Variants in PPP1R1C observed in about 807,000 individuals in gnomAD.
The protein encoded by PPP1R1C is protein phosphatase 1 regulatory subunit 1C.
PPP1R1C carries 15 observed loss-of-function variants against 17.4 expected under a neutral mutation model. The ratio of observed to expected loss-of-function variants is 0.86; its 90% CI spans 0.58 to 1.33. PPP1R1C has a LOEUF of 1.33. PPP1R1C is among the 40% of genes most tolerant of loss of function. PPP1R1C has a pLI of 0.00. For missense variants in PPP1R1C, 143 were observed against 130.0 expected (o/e 1.10, Z -0.48); for synonymous variants, 35 against 43.1 (o/e 0.81, Z 0.73).
At chr2:182,036,870 A>G (rs992617012) in intron 2 of PPP1R1C, among the ~76,000 whole-genome samples, 1 of 152,198 alleles carries the variant, frequency 6.6e-6, no homozygotes, top group African/African-American at 2.4e-5. Context: ...AGAAGCCTGG[A>G]TTTTTATCCT....
At chr2:181,956,226 A>T (rs994002365) in intron 1 of PPP1R1C, among the ~76,000 whole-genome samples, 3 of 152,094 alleles carry the variant, frequency 2.0e-5, no homozygotes, top group Non-Finnish European at 4.4e-5. Context: ...AAGGACATGA[A>T]CTCATTCTTT....
chr2:182,112,544 C>T (rs985705410), intron 4 of PPP1R1C, among the ~76,000 whole-genome samples: 1 of 152,196 alleles, frequency 6.6e-6, no homozygotes, highest in Admixed American at 6.5e-5. Context: ...ATTAGGTCCT[C>T]GGAACCCAGG....
chr2:181,972,490 T>C (rs1188339264), intron 1 of PPP1R1C, among the ~76,000 whole-genome samples: 1 of 150,382 alleles, frequency 6.6e-6, no homozygotes, highest in African/African-American at 2.5e-5. Context: ...TACTTTTTAA[T>C]AGGACAAAAA....
At chr2:182,026,352 T>A (rs1000392778) in intron 2 of PPP1R1C, among the ~76,000 whole-genome samples, 1 of 142,622 alleles carries the variant, frequency 7.0e-6, no homozygotes, top group African/African-American at 2.6e-5. Flanking sequence ...GGTCTAACGT[T>A]TAAGTCTTTA....
At chr2:182,119,044 T>C (rs530644342), downstream of PPP1R1C, among the ~76,000 whole-genome samples, 136 of 152,184 alleles carry the variant, frequency 8.9e-4, 1 homozygote, top group African/African-American at 3.1e-3. Flanking sequence ...CCTAATGCTA[T>C]CCCTCCCCCC....
At chr2:182,042,082 T>C (rs1018110698) in intron 2 of PPP1R1C, among the ~76,000 whole-genome samples, 1 of 152,220 alleles carries the variant, frequency 6.6e-6, no homozygotes, top group Non-Finnish European at 1.5e-5. Flanking sequence ...ATTTAACACA[T>C]CTTACTCACG....
At chr2:182,017,134 A>C (rs1372945026) in intron 2 of PPP1R1C, among the ~76,000 whole-genome samples, 1 of 152,156 alleles carries the variant, frequency 6.6e-6, no homozygotes, top group East Asian at 1.9e-4. Flanking sequence ...TTCTAAGTGA[A>C]TCAACTATAT....
intron 4 of PPP1R1C, among the ~76,000 whole-genome samples, chr2:182,090,214 A>G (rs1574443431): frequency 6.6e-6 from 1 of 151,938 alleles, no homozygotes; most frequent in East Asian, 1.9e-4. Flanking sequence ...GCCGTTTGGA[A>G]CTAAAGCCAA....
intron 4 of PPP1R1C, among the ~76,000 whole-genome samples, chr2:182,093,501 C>G (rs1406126148): frequency 6.6e-6 from 1 of 152,218 alleles, no homozygotes; most frequent in East Asian, 1.9e-4. Context: ...GTTTGAATTT[C>G]TGTTCAGAAA....
intron 2 of PPP1R1C, among the ~76,000 whole-genome samples, chr2:182,026,525 T>C (rs933620633): frequency 5.5e-4 from 82 of 148,126 alleles, no homozygotes; most frequent in African/African-American, 2.0e-3. Context: ...GTTGTAGATA[T>C]GCGGCGTTAT....
At chr2:182,026,705 C>T (rs942479052) in intron 2 of PPP1R1C, among the ~76,000 whole-genome samples, 8 of 151,988 alleles carry the variant, frequency 5.3e-5, no homozygotes, top group African/African-American at 1.5e-4. Context: ...TCTTTTTTGG[C>T]TCCATATGAA....
At chr2:181,981,563 G>A (rs1254326478), upstream of PPP1R1C, among the ~76,000 whole-genome samples, 2 of 151,972 alleles carry the variant, frequency 1.3e-5, no homozygotes, top group African/African-American at 2.4e-5. Context: ...ACTGGGATTC[G>A]ACCACATTTT....
At chr2:182,039,251 G>T (rs1423673224) in intron 2 of PPP1R1C, among the ~76,000 whole-genome samples, 1 of 152,098 alleles carries the variant, frequency 6.6e-6, no homozygotes, top group African/African-American at 2.4e-5. Context: ...TATCATCTTT[G>T]ATTGTTCCAT....
At chr2:182,061,928 G>A (rs774023911) in intron 3 of PPP1R1C, among the ~76,000 whole-genome samples, 8 of 152,128 alleles carry the variant, frequency 5.3e-5, no homozygotes, top group African/African-American at 1.9e-4. Flanking sequence ...CAGATCCAAC[G>A]GGTTCACCTA....
chr2:181,954,687 T>G (rs1322456430), intron 1 of PPP1R1C: 1 of 152,152 alleles, frequency 6.6e-6, no homozygotes, highest in Non-Finnish European at 1.5e-5. Context: ...CCCATTATAT[T>G]TTTGGCTGCC....
At chr2:181,959,448 T>C (rs1015627240) in intron 1 of PPP1R1C, among the ~76,000 whole-genome samples, 3 of 152,222 alleles carry the variant, frequency 2.0e-5, no homozygotes, top group African/African-American at 7.2e-5. Flanking sequence ...TTAAATTTGC[T>C]TTATACAGAG....
intron 4 of PPP1R1C, chr2:182,103,634 A>G (rs1689163253): frequency 6.6e-6 from 1 of 152,260 alleles, no homozygotes; most frequent in African/African-American, 2.4e-5. Context: ...AAGAATGCTT[A>G]AGTGAACAAT....
intron 2 of PPP1R1C, among the ~76,000 whole-genome samples, chr2:181,993,630 T>TA (rs1410756655): frequency 3.3e-5 from 5 of 152,196 alleles, no homozygotes; most frequent in African/African-American, 9.6e-5. Context: ...TAAGAAATTG[T>TA]AAAAAAGCCT....
intron 1 of PPP1R1C, among the ~76,000 whole-genome samples, chr2:181,968,936 G>T (rs555083481): frequency 6.6e-6 from 1 of 152,032 alleles, no homozygotes; most frequent in East Asian, 1.9e-4. Context: ...TAAAATGATG[G>T]ATTCATAATG....
Sources: allele counts gnomAD v4.1 joint callset (sites outside exome capture counted in the v4.1 genomes callset), GRCh38; gene constraint gnomAD v4.1.1; transcripts MANE v1.5; gene names NCBI Gene and HGNC (gene_info 2026-07-23, HGNC 2026-07-21).